Variants in MOCOS observed in about 807,000 individuals in gnomAD.
The protein encoded by MOCOS is molybdenum cofactor sulfurase.
In MOCOS, 86 loss-of-function variants were observed where a neutral mutation model predicts 83.6. That is an observed-to-expected ratio of 1.03 (90% CI 0.86 to 1.23). The LOEUF is 1.23. Ranked by LOEUF, MOCOS falls within the 50% of genes most tolerant of loss-of-function variation. The pLI is 0.00. For synonymous variants in MOCOS, 445 were observed against 434.7 expected (o/e 1.02, Z -0.29); for missense variants, 1,120 against 1,126.9 (o/e 0.99, Z 0.09).
intron 9 of MOCOS, among the ~76,000 whole-genome samples, chr18:36,226,677 T>G (rs929901201): frequency 6.0e-5 from 9 of 150,692 alleles, no homozygotes; most frequent in Admixed American, 4.7e-4. Context: ...TTAATTCCTT[T>G]GTCTTTTCCT....
intron 13 of MOCOS, among the ~76,000 whole-genome samples, chr18:36,265,707 T>C (rs2091679515): frequency 6.6e-6 from 1 of 151,208 alleles, no homozygotes; most frequent in South Asian, 2.1e-4. Flanking sequence ...TTAAGTATTG[T>C]GTATGTGTGG....
intron 7 of MOCOS, 144 bp from the exon 8 acceptor site, chr18:36,215,372 C>T: frequency 2.5e-6 from 2 of 805,058 alleles, no homozygotes; most frequent in South Asian, 1.5e-5. Flanking sequence ...TGAACTATGT[C>T]CCAGACGCAC....
At chr18:36,211,666 AGGGCT>A in intron 6 of MOCOS, among the ~76,000 whole-genome samples, 1 of 152,056 alleles carries the variant, frequency 6.6e-6, no homozygotes, top group Non-Finnish European at 1.5e-5. Flanking sequence ...GGGATTCCCC[AGGGCT>A]GAGGGCAAGA....
chr18:36,195,808 T>C (rs1036398250), intron 2 of MOCOS, among the ~76,000 whole-genome samples: 3 of 152,228 alleles, frequency 2.0e-5, no homozygotes, highest in African/African-American at 7.2e-5. Context: ...AGACAAGACC[T>C]TAAGTGAACT....
Position 36,200,128 on chromosome 18 carries a change from G to C in MOCOS, c.745G>C (p.Asp249His). 5 of 1,614,192 alleles carry C rather than the reference G, an allele frequency of 3.1e-6. No homozygotes were observed. Among genetic ancestry groups the C allele is most frequent in the Non-Finnish European group, 4.2e-6 (5 of 1,180,036 alleles). ...CTCCTACGTGAGCACCTCGCCTTTGGACCTGTCAGCTCACCAGGCCGACTT... is the reference window on the plus strand; with the variant it reads ...CTCCTACGTGAGCACCTCGCCTTTGCACCTGTCAGCTCACCAGGCCGACTT... ...AASYVSTSPL[D>H]LSAHQADFVP... Residue 249 changes from aspartate (D) to histidine (H), a missense_variant, in exon 4 of 15, where the codon GAC (aspartate) becomes CAC (histidine). Coordinates refer to ENST00000261326, the MANE Select transcript of MOCOS (RefSeq NM_017947.4).
chr18:36,214,111 C>G (rs1029660540), intron 7 of MOCOS, among the ~76,000 whole-genome samples: 3 of 150,454 alleles, frequency 2.0e-5, no homozygotes, highest in African/African-American at 7.4e-5. Context: ...TGTGGTGGTG[C>G]ATGCCTGTAA....
Position 36,187,658 on chromosome 18 carries a change from C to A in MOCOS, c.119C>A (p.Ala40Glu), listed in dbSNP as rs2091346685. 4 of 1,256,674 alleles carry A rather than the reference C, an allele frequency of 3.2e-6. No individual in the cohort carries two copies. Among genetic ancestry groups the A allele is most frequent in the South Asian group, 3.6e-5 (1 of 28,000 alleles). 77.8% of individuals were successfully genotyped at this position (1,256,674 alleles called of 1,614,324 possible). The change falls in exon 1 of 15, where the codon GCG becomes GAG. Residue 40 changes from alanine to glutamate, a missense_variant. By Grantham distance (107) the Ala-to-Glu change is moderately radical (BLOSUM62 -1). Coordinates refer to ENST00000261326, the MANE Select transcript of MOCOS (RefSeq NM_017947.4). The stretch of plus-strand genomic sequence containing the variant: ...CCGGGCAGCCTGCGCGAGCTGCGGG[C>A]GCGCGAGTTCAGCCGCCTGGCAGGT... ...YGPGSLRELR[A>E]REFSRLAGTV...
intron 2 of MOCOS, among the ~76,000 whole-genome samples, chr18:36,197,302 C>T (rs974953856): frequency 3.3e-5 from 5 of 152,148 alleles, no homozygotes; most frequent in Non-Finnish European, 7.4e-5. Context: ...CCTCCTGAGG[C>T]TGTATACTGC....
At chr18:36,266,488 C>T (rs1158015020) in intron 13 of MOCOS, among the ~76,000 whole-genome samples, 1 of 152,110 alleles carries the variant, frequency 6.6e-6, no homozygotes, top group African/African-American at 2.4e-5. Flanking sequence ...GAGTGCTTTC[C>T]TTCCTCAAAT....
At chr18:36,245,900 C>G (rs74725294) in intron 9 of MOCOS, among the ~76,000 whole-genome samples, 2,755 of 152,160 alleles carry the variant, frequency 0.018, 81 homozygotes, top group African/African-American at 0.063. Context: ...CTTTCTTCTA[C>G]TTTTTCAATA....
chr18:36,236,716 C>T (rs1294861178), intron 9 of MOCOS, among the ~76,000 whole-genome samples: 5 of 141,798 alleles, frequency 3.5e-5, no homozygotes, highest in Admixed American at 2.2e-4. Context: ...TGTAAATTAC[C>T]TTGGGCAGTA....
intron 11 of MOCOS, among the ~76,000 whole-genome samples, chr18:36,256,414 A>G (rs1267789490): frequency 6.6e-6 from 1 of 152,136 alleles, no homozygotes; most frequent in Non-Finnish European, 1.5e-5. Context: ...ATTTGCTGGA[A>G]CAATTTCATC....
chr18:36,212,519 C>T (rs557958253), intron 6 of MOCOS, among the ~76,000 whole-genome samples: 7 of 152,284 alleles, frequency 4.6e-5, no homozygotes, highest in African/African-American at 1.7e-4. Context: ...ACTAGCAGGT[C>T]TGCATGCCAG....
Position 36,201,662 on chromosome 18 carries a change from C to CAAAAAAAAAA in MOCOS, c.941+1338_941+1339insAAAAAAAAAA, listed in dbSNP as rs1568050276. ...CTGGTGACAGAGCAAGACTCCATCT[C>CAAAAAAAAAA]CAAAAAAAAAAAAAAAAGAAATGAT... On this transcript the variant is annotated intron_variant, in intron 4 of 14. Coordinates refer to ENST00000261326, the MANE Select transcript of MOCOS (RefSeq NM_017947.4). 7.9e-3 allele frequency among the ~76,000 whole-genome samples: 20 copies of CAAAAAAAAAA among 2,522 alleles called. 1 individual carries two copies. Among genetic ancestry groups the CAAAAAAAAAA allele is most frequent in the African/African-American group, 0.012 (19 of 1,570 alleles). 1.7% of individuals were successfully genotyped at this position (2,522 alleles called of 152,430 possible). A position where few individuals can be genotyped will look rare whatever the true frequency, so the allele number is the denominator to read the frequency against.
At chr18:36,229,813 G>C (rs375056529) in intron 9 of MOCOS, among the ~76,000 whole-genome samples, 2 of 151,536 alleles carry the variant, frequency 1.3e-5, no homozygotes, top group Non-Finnish European at 2.9e-5. Flanking sequence ...AAATTTTTTA[G>C]TTCAGTTACT....
At chr18:36,208,917 T>G (rs1415344936) in intron 6 of MOCOS, among the ~76,000 whole-genome samples, 1 of 152,180 alleles carries the variant, frequency 6.6e-6, no homozygotes, top group Non-Finnish European at 1.5e-5. Context: ...CAGTATGATG[T>G]TGGGTGTAGT....
intron 6 of MOCOS, among the ~76,000 whole-genome samples, chr18:36,212,218 CCT>C (rs1048592034): frequency 8.6e-5 from 13 of 151,324 alleles, no homozygotes; most frequent in Non-Finnish European, 1.8e-4. Flanking sequence ...TCCTCCATGC[CCT>C]GTTTAAATTC....
At chr18:36,215,169 A>C (rs2091471016) in intron 7 of MOCOS, among the ~76,000 whole-genome samples, 1 of 152,058 alleles carries the variant, frequency 6.6e-6, no homozygotes, top group Non-Finnish European at 1.5e-5. Context: ...CTTGAGGTTG[A>C]CCCCTTGGTG....
At chr18:36,242,980 T>A (rs1398534513) in intron 9 of MOCOS, among the ~76,000 whole-genome samples, 1 of 152,232 alleles carries the variant, frequency 6.6e-6, no homozygotes, top group Non-Finnish European at 1.5e-5. Flanking sequence ...CTTGTAGGTA[T>A]CTTTTCCTCC....
Sources: allele counts gnomAD v4.1 joint callset (sites outside exome capture counted in the v4.1 genomes callset), GRCh38; gene constraint gnomAD v4.1.1; transcripts MANE v1.5; gene names NCBI Gene and HGNC (gene_info 2026-07-23, HGNC 2026-07-21).